ERBB4: variants seen among roughly 807,000 people sequenced by gnomAD.
ERBB4 encodes the protein receptor tyrosine-protein kinase erbB-4.
Under a neutral mutation model 158.0 loss-of-function variants are expected in ERBB4, and 42 were observed. That is an observed-to-expected ratio of 0.27 (90% confidence interval 0.21 to 0.34). The LOEUF (loss-of-function observed/expected upper bound fraction) is 0.34, where lower values mean the gene tolerates loss of function less well. Among genes scored for constraint, ERBB4 ranks in the 10% least tolerant of loss-of-function variants. The pLI is 1.00. For missense variants in ERBB4, 1,333 were observed against 1,624.1 expected (o/e 0.82, Z 3.08); for synonymous variants, 583 against 558.7 (o/e 1.04, Z -0.61).
chr2:211,677,251 T>C (rs757157611), intron 13 of ERBB4, among the ~76,000 whole-genome samples: 2 of 152,170 alleles, frequency 1.3e-5, no homozygotes, highest in African/African-American at 2.4e-5. Flanking sequence ...ACTTCAAAAC[T>C]ATACTTTCCA....
At chr2:211,407,171 CA>C (rs967829210) in intron 25 of ERBB4, among the ~76,000 whole-genome samples, 6 of 152,030 alleles carry the variant, frequency 3.9e-5, no homozygotes, top group African/African-American at 1.5e-4. Context: ...TGGTACTTGG[CA>C]AAAGATAAGT....
At chr2:211,966,715 G>A (rs927233811) in intron 2 of ERBB4, among the ~76,000 whole-genome samples, 3 of 151,932 alleles carry the variant, frequency 2.0e-5, no homozygotes, top group Non-Finnish European at 4.4e-5. Flanking sequence ...TTTTGAAAAT[G>A]CTACTTGGAA....
At chr2:212,336,388 T>A (rs73987370) in intron 1 of ERBB4, among the ~76,000 whole-genome samples, 2,240 of 152,142 alleles carry the variant, frequency 0.015, 58 homozygotes, top group African/African-American at 0.05. Flanking sequence ...TTGCCTTTAC[T>A]TTTAGCATTT....
At chr2:212,025,745 C>A (rs1197222106) in intron 2 of ERBB4, among the ~76,000 whole-genome samples, 1 of 151,818 alleles carries the variant, frequency 6.6e-6, no homozygotes, top group Admixed American at 6.6e-5. Context: ...ATACTCCTCT[C>A]TCTTTTCTAG....
chr2:211,927,051 T>C (rs2080037651), intron 3 of ERBB4, among the ~76,000 whole-genome samples: 1 of 152,208 alleles, frequency 6.6e-6, no homozygotes, highest in African/African-American at 2.4e-5. Context: ...TGAATTTCTC[T>C]ATGAGAACAG....
intron 3 of ERBB4, among the ~76,000 whole-genome samples, chr2:211,820,013 C>T (rs755748945): frequency 6.6e-6 from 1 of 151,892 alleles, no homozygotes; most frequent in Middle Eastern, 3.2e-3. Context: ...GACACATTGA[C>T]TATTAGATGG....
At chr2:211,756,397 G>A (rs1032858109) in intron 4 of ERBB4, among the ~76,000 whole-genome samples, 2 of 152,094 alleles carry the variant, frequency 1.3e-5, no homozygotes, top group African/African-American at 4.8e-5. Context: ...AACTGTTTGG[G>A]GCCATAATGA....
intron 2 of ERBB4, among the ~76,000 whole-genome samples, chr2:211,987,341 A>AACAAAAAAAAAAAAAAAAAAG (rs2081964843): frequency 8.0e-6 from 1 of 124,416 alleles, no homozygotes; most frequent in Non-Finnish European, 1.6e-5. Flanking sequence ...AAAAAAAAAA[A>AACAAAAAAAAAAAAAAAAAAG]AAAGAAAGAA....
At chr2:212,235,588 T>G (rs1195586362) in intron 1 of ERBB4, among the ~76,000 whole-genome samples, 2 of 152,246 alleles carry the variant, frequency 1.3e-5, no homozygotes, top group Non-Finnish European at 2.9e-5. Context: ...ATATTGATTT[T>G]TCCTATCCAT....
Position 211,378,494 on chromosome 2 carries a change from C to G in ERBB4, c.*5121G>C, listed in dbSNP as rs1028903599. The G allele has an allele frequency of 8.6e-6, 2 of 232,620 alleles. No individual in the cohort carries two copies. Among genetic ancestry groups the G allele is most frequent in the African/African-American group, 4.4e-5 (2 of 45,296 alleles). 14.4% of individuals were successfully genotyped at this position (232,620 alleles called of 1,614,324 possible). A position where few individuals can be genotyped will look rare whatever the true frequency, so the allele number is the denominator to read the frequency against. ...GAAAAGAAAAAAGCAGCTCACACTG[C>G]TAAAAGATATTTGCCCACACAAACA... On this transcript the variant is annotated 3_prime_UTR_variant, in exon 28 of 28. Transcript: ENST00000342788.
chr2:211,917,022 G>A (rs2079712375), intron 3 of ERBB4, among the ~76,000 whole-genome samples: 1 of 152,136 alleles, frequency 6.6e-6, no homozygotes, highest in Admixed American at 6.5e-5. Flanking sequence ...TTTGATACCA[G>A]TGGTTACAAC....
chr2:212,225,274 T>C (rs1231565850), intron 1 of ERBB4, among the ~76,000 whole-genome samples: 1 of 152,070 alleles, frequency 6.6e-6, no homozygotes, highest in African/African-American at 2.4e-5. Flanking sequence ...TTTTTGTTAC[T>C]AGTTATTTTG....
chr2:211,615,651 C>G (rs2069357855), intron 19 of ERBB4, among the ~76,000 whole-genome samples: 1 of 152,018 alleles, frequency 6.6e-6, no homozygotes, highest in African/African-American at 2.4e-5. Flanking sequence ...CAAACTGCCC[C>G]TTATTTATTT....
chr2:212,279,136 G>C (rs2085657385), intron 1 of ERBB4, among the ~76,000 whole-genome samples: 2 of 151,432 alleles, frequency 1.3e-5, no homozygotes, highest in Non-Finnish European at 3.0e-5. Flanking sequence ...TAAATAATGA[G>C]TTATGAGTAT....
At position 212,446,597 on chromosome 2, in the gene ERBB4, A is replaced by AC. The variant is rs2092357302; in HGVS notation, c.82+91851_82+91852insG. 2.9e-4 allele frequency among the ~76,000 whole-genome samples: 5 copies of AC among 17,200 alleles called. 2 individuals carry two copies. Among genetic ancestry groups the AC allele is most frequent in the African/African-American group, 1.6e-3 (5 of 3,072 alleles). 11.3% of individuals were successfully genotyped at this position (17,200 alleles called of 152,430 possible). ...AACTCCCATATATATATATGTATAT[A>AC]TATATATATATATATATATATATAT... is the stretch of plus-strand genomic sequence containing the variant. On this transcript the variant is annotated intron_variant, in intron 1 of 27. Transcript: ENST00000342788.
intron 2 of ERBB4, among the ~76,000 whole-genome samples, chr2:212,053,404 T>A (rs1043822965): frequency 1.3e-5 from 2 of 151,954 alleles, no homozygotes; most frequent in African/African-American, 4.8e-5. Flanking sequence ...ATCCTAAAAA[T>A]CCCCTCCTCT....
chr2:212,328,554 T>C (rs908035952), intron 1 of ERBB4, among the ~76,000 whole-genome samples: 1 of 152,064 alleles, frequency 6.6e-6, no homozygotes, highest in African/African-American at 2.4e-5. Flanking sequence ...CATAATAGTT[T>C]ATTATAATAA....
chr2:211,870,900 T>C (rs1418811275), intron 3 of ERBB4, among the ~76,000 whole-genome samples: 1 of 152,142 alleles, frequency 6.6e-6, no homozygotes, highest in Non-Finnish European at 1.5e-5. Flanking sequence ...AATTTGTTCG[T>C]TCATTCAACA....
At chr2:211,964,075 T>C (rs1317915827) in intron 2 of ERBB4, among the ~76,000 whole-genome samples, 1 of 152,178 alleles carries the variant, frequency 6.6e-6, no homozygotes, top group Non-Finnish European at 1.5e-5. Flanking sequence ...GGTATTTCTC[T>C]CTCCTGAGTC....
Sources: allele counts gnomAD v4.1 joint callset (sites outside exome capture counted in the v4.1 genomes callset), GRCh38; gene constraint gnomAD v4.1.1; transcripts MANE v1.5; gene names NCBI Gene and HGNC (gene_info 2026-07-23, HGNC 2026-07-21).